SLC38A10: variants seen among roughly 807,000 people sequenced by gnomAD.
SLC38A10 encodes the protein solute carrier family 38 member 10.
In SLC38A10, 53 loss-of-function variants were observed where a neutral mutation model predicts 81.0. The observed-to-expected ratio is 0.65, with a 90% CI of 0.53 to 0.82. SLC38A10 has a LOEUF of 0.82. Ranked by LOEUF, SLC38A10 falls within the 40% of genes least tolerant of loss-of-function variation. The pLI is 0.00. For missense variants in SLC38A10, 1,471 were observed against 1,545.0 expected (o/e 0.95, Z 0.80); for synonymous variants, 665 against 655.3 (o/e 1.01, Z -0.23).
chr17:81,276,681 C>T lies in SLC38A10; in HGVS notation c.729+350G>A, dbSNP rs1227966647. On this transcript the variant is annotated intron_variant, in intron 7 of 15. Transcript: ENST00000374759. This position sits in a 1 kb window ranked among gnomAD's most constrained non-coding sequence, Gnocchi z 4.7. ...CTGGGATTACAGGTGTGAGCAACGG[C>T]GCCCGGCCGGAACATGCCCATTTCT... is the stretch of plus-strand genomic sequence containing the variant. Among the ~76,000 whole-genome samples the T allele has an allele frequency of 1.3e-5, 2 of 152,096 alleles. No individual in the cohort carries two copies. The highest frequency in any genetic ancestry group is 2.4e-5 in the African/African-American group (1 of 41,422).
intron 8 of SLC38A10, among the ~76,000 whole-genome samples, chr17:81,273,646 G>T (rs532637646): frequency 6.6e-6 from 1 of 152,300 alleles, no homozygotes; most frequent in South Asian, 2.1e-4. Context: ...GCGGTAATTT[G>T]TATACAGGCC....
rs768107383 is a variant in SLC38A10, at chr17:81,245,667, G to A, written c.3249C>T (p.Asn1083=). The change falls in exon 16 of 16, where the codon AAC becomes AAT. Residue 1083 remains asparagine (N), a synonymous_variant. Transcript: ENST00000374759. ...GGGCATCCAGGGCGCCACGGAGGTC[G>A]TTCACCTGGACATCAGGCAGGGGGT... is the stretch of plus-strand genomic sequence containing the variant. ...GLNPLPDVQV[N]DLRGALDAQL... 1.3e-5 allele frequency: 21 copies of A among 1,610,766 alleles called. No homozygotes were observed. The highest frequency in any genetic ancestry group is 9.3e-5 in the African/African-American group (7 of 75,024).
At chr17:81,256,540 A>G (rs1034524885) in intron 11 of SLC38A10, among the ~76,000 whole-genome samples, 1 of 152,184 alleles carries the variant, frequency 6.6e-6, no homozygotes, top group Non-Finnish European at 1.5e-5. Flanking sequence ...AGACGAAGTG[A>G]CTTTTAAACA....
chr17:81,280,524 T>C (rs1016406976), intron 6 of SLC38A10, 85 bp downstream of exon 6: 5 of 1,565,694 alleles, frequency 3.2e-6, no homozygotes, highest in Non-Finnish European at 4.3e-6. Context: ...GCGATCACAG[T>C]AAACGAGAAA....
chr17:81,250,766 C>G lies in SLC38A10; in HGVS notation c.2065+727G>C, dbSNP rs1484610752. 4.3e-6 allele frequency: 4 copies of G among 932,330 alleles called. No individual in the cohort carries two copies. The Admixed American group carries it at 1.6e-4, about 38-fold the overall frequency. 57.8% of individuals were successfully genotyped at this position (932,330 alleles called of 1,614,324 possible). On this transcript the variant is annotated intron_variant, in intron 14 of 15. Transcript: ENST00000374759. ...CCTGGGAGAGGACATGGCACAGAAG[C>G]CTGTCCCCAGCAGGCTCACAGACGG...
chr17:81,268,585 T>C (rs1429346906), intron 10 of SLC38A10, among the ~76,000 whole-genome samples: 1 of 151,988 alleles, frequency 6.6e-6, no homozygotes, highest in Admixed American at 6.6e-5. Context: ...AATTACTATT[T>C]GAAACAACAA....
At position 81,252,492 on chromosome 17, in the gene SLC38A10, G is replaced by C. The variant is rs759926007; in HGVS notation, c.1648C>G (p.Gln550Glu). 1 of 1,613,370 alleles carries C rather than the reference G, an allele frequency of 6.2e-7. No homozygotes were observed. The highest frequency in any genetic ancestry group is 8.5e-7 in the Non-Finnish European group (1 of 1,180,002). Residue 550 changes from glutamine (Q) to glutamate (E), a missense_variant, in exon 13 of 16, where the codon CAA (glutamine) becomes GAA (glutamate). Physicochemically the swap from Gln to Glu is conservative, Grantham distance 29 (BLOSUM62 2). Coordinates refer to ENST00000374759, the MANE Select transcript of SLC38A10 (RefSeq NM_001037984.3). ...PPLPDSEREKQEPEQGEVGKR... is the reference protein window; with the variant it reads ...PPLPDSEREKEEPEQGEVGKR... ...CCAACCTCTCCCTGCTCCGGCTCTT[G>C]TTTCTCTCTTTCTGAGTCGGGCAGA... is the stretch of plus-strand genomic sequence containing the variant.
chr17:81,285,396 T>A (rs1050823678), intron 2 of SLC38A10: 5 of 152,778 alleles, frequency 3.3e-5, no homozygotes, highest in African/African-American at 1.2e-4. Flanking sequence ...AAATGGAGAC[T>A]CCTTTCGAGC....
rs2063167018 is a variant in SLC38A10 at position 81,276,904 on chromosome 17, A to C, written c.729+127T>G. ...CCCCGCGCAGCCTCCAGACACTGGG[A>C]TGGGAACAGAGAGAAAAACCCAGCA... is the stretch of plus-strand genomic sequence containing the variant. On this transcript the variant is annotated intron_variant, in intron 7 of 15. Coordinates refer to ENST00000374759, the MANE Select transcript of SLC38A10 (RefSeq NM_001037984.3). The surrounding 1 kb of genome is among the most constrained non-coding windows in gnomAD (Gnocchi z 4.7). 1.1e-6 allele frequency: 1 copy of C among 901,056 alleles called. No homozygotes were observed. The highest frequency in any genetic ancestry group is 1.6e-5 in the African/African-American group (1 of 60,824). 55.8% of individuals were successfully genotyped at this position (901,056 alleles called of 1,614,324 possible).
intron 6 of SLC38A10, among the ~76,000 whole-genome samples, chr17:81,278,676 T>C (rs1414319654): frequency 1.3e-5 from 2 of 152,158 alleles, no homozygotes; most frequent in Non-Finnish European, 2.9e-5. Context: ...GAAGGCCATG[T>C]TGCGGCATGA....
Position 81,283,289 on chromosome 17 carries a change from AG to A in SLC38A10, c.357+119del. ...TCCACCAAGCCCCTAGAATGACAGCAGGCTCGACAGAAGCTTCTCCCGACCA... is the reference window on the plus strand; with the variant it reads ...TCCACCAAGCCCCTAGAATGACAGCAGCTCGACAGAAGCTTCTCCCGACCA... On this transcript the variant is annotated intron_variant, in intron 4 of 15. Transcript: ENST00000374759. The surrounding 1 kb of genome is among the most constrained non-coding windows in gnomAD (Gnocchi z 4.7). 1 of 846,042 alleles carries A rather than the reference AG, an allele frequency of 1.2e-6. No homozygotes were observed. Among genetic ancestry groups the A allele is most frequent in the Middle Eastern group, 2.3e-4 (1 of 4,394 alleles). 52.4% of individuals were successfully genotyped at this position (846,042 alleles called of 1,614,324 possible).
chr17:81,253,564 ATCATCACCG>A lies in SLC38A10; in HGVS notation c.1289-333_1289-325del, dbSNP rs978192791. 4.6e-5 allele frequency among the ~76,000 whole-genome samples: 7 copies of A among 151,834 alleles called. No homozygotes were observed. Among genetic ancestry groups the A allele is most frequent in the South Asian group, 2.1e-4 (1 of 4,786 alleles). On this transcript the variant is annotated intron_variant, in intron 11 of 15. Transcript: ENST00000374759. The surrounding 1 kb of genome is among the most constrained non-coding windows in gnomAD (Gnocchi z 4.1). ...AGTCCCCTCCATTACCATCACCTCCATCATCACCGTCATCACCGTCACCTCCACCACCAC... is the reference window on the plus strand; with the variant it reads ...AGTCCCCTCCATTACCATCACCTCCATCATCACCGTCACCTCCACCACCAC...
rs1005756628 is a variant in SLC38A10, at chr17:81,265,531, G to C, written c.1132-5137C>G. The C allele has an allele frequency of 2.0e-5, 3 of 151,980 alleles. No individual in the cohort carries two copies. The highest frequency in any genetic ancestry group is 4.4e-5 in the Non-Finnish European group (3 of 68,082). 9.4% of individuals were successfully genotyped at this position (151,980 alleles called of 1,614,324 possible). On this transcript the variant is annotated intron_variant, in intron 10 of 15. Coordinates refer to ENST00000374759, the MANE Select transcript of SLC38A10 (RefSeq NM_001037984.3). This position sits in a 1 kb window ranked among gnomAD's most constrained non-coding sequence, Gnocchi z 4.2. The stretch of plus-strand genomic sequence containing the variant: ...TCACGTCTTTCTCCAGCACAGCCTT[G>C]ATTCACCTACTACACAGGTGTCCCC...
At chr17:81,263,314 C>T (rs1266337197) in intron 10 of SLC38A10, 3 of 152,366 alleles carry the variant, frequency 2.0e-5, no homozygotes, top group African/African-American at 4.8e-5. Flanking sequence ...CAGACCCAAC[C>T]CCGCCCGCTG....
chr17:81,266,752 C>G (rs1433202728), intron 10 of SLC38A10, among the ~76,000 whole-genome samples: 2 of 152,210 alleles, frequency 1.3e-5, no homozygotes, highest in Non-Finnish European at 2.9e-5. Flanking sequence ...TCTGGATAAA[C>G]CAAATGCAGT....
At chr17:81,272,055 G>A (rs1051745237) in intron 9 of SLC38A10, among the ~76,000 whole-genome samples, 4 of 149,370 alleles carry the variant, frequency 2.7e-5, no homozygotes, top group South Asian at 2.1e-4. Context: ...TTTTTGAGAC[G>A]AAGTTTCTCT....
At position 81,283,201 on chromosome 17, in the gene SLC38A10, C is replaced by T. The variant is rs1383492065; in HGVS notation, c.357+208G>A. On this transcript the variant is annotated intron_variant, in intron 4 of 15. Coordinates refer to ENST00000374759, the MANE Select transcript of SLC38A10 (RefSeq NM_001037984.3). The surrounding 1 kb of genome is among the most constrained non-coding windows in gnomAD (Gnocchi z 4.7). ...CGCCCCTCATCTACATGGTGTCAGA[C>T]TCTGCCTGGCTTGCTTCCTCGCGTG... 1.3e-5 allele frequency among the ~76,000 whole-genome samples: 2 copies of T among 152,132 alleles called. No homozygotes were observed. Among genetic ancestry groups the T allele is most frequent in the Non-Finnish European group, 2.9e-5 (2 of 68,024 alleles).
At position 81,276,118 on chromosome 17, in the gene SLC38A10, C is replaced by G; in HGVS notation, c.763G>C (p.Ala255Pro). Residue 255 changes from alanine (A) to proline (P), a missense_variant, in exon 8 of 16, where the codon GCC (alanine) becomes CCC (proline). Around this residue, in one of 2 missense-constraint regions of SLC38A10, gnomAD observed 720 missense variants for 827.7 expected, o/e 0.87. Coordinates refer to ENST00000374759, the MANE Select transcript of SLC38A10 (RefSeq NM_001037984.3). The surrounding 1 kb of genome is among the most constrained non-coding windows in gnomAD (Gnocchi z 4.7). ...TGCATGAGCACGTTGCCGGCCGTGG[C>G]CTCGGTGAAGCTGACGTAGCCGAAA... The part of the protein sequence containing the change: ...GFFGYVSFTE[A>P]TAGNVLMHFP... 6.2e-7 allele frequency: 1 copy of G among 1,613,528 alleles called. No homozygotes were observed. Among genetic ancestry groups the G allele is most frequent in the Non-Finnish European group, 8.5e-7 (1 of 1,179,782 alleles).
At chr17:81,247,621 T>C (rs530572193) in intron 14 of SLC38A10, 1 of 149,984 alleles carries the variant, frequency 6.7e-6, no homozygotes, top group South Asian at 2.1e-4. Context: ...AGCCCAGGAG[T>C]TAGAGACCAG....
Sources: gnomAD v4.1 joint callset for allele counts (sites outside exome capture counted in the v4.1 genomes callset) on GRCh38, gnomAD v4.1.1 for gene constraint, gnomAD v4.1.1 regional missense constraint, Gnocchi (gnomAD v3.1) non-coding constraint, MANE v1.5 for transcripts, NCBI Gene and HGNC (gene_info 2026-07-23, HGNC 2026-07-21) for gene names.